The following SMYD3 variants were observed in gnomAD, a reference collection of about 807,000 sequenced individuals.
SMYD3 encodes SET and MYND domain containing 3.
A neutral mutation model predicts 57.7 loss-of-function variants in SMYD3; 36 were observed. The ratio of observed to expected loss-of-function variants is 0.62; its 90% CI spans 0.48 to 0.82. The LOEUF is 0.82. Ranked by LOEUF, SMYD3 falls within the 40% of genes least tolerant of loss-of-function variation. The pLI is 0.00. For missense variants in SMYD3, 515 were observed against 538.8 expected, an observed-to-expected ratio of 0.96 and a Z score of 0.44; for synonymous variants, 211 against 195.0, an observed-to-expected ratio of 1.08 and a Z score of -0.68.
At chr1:246,297,586 G>C (rs2064819689) in intron 5 of SMYD3, among the ~76,000 whole-genome samples, 1 of 152,030 alleles carries the variant, frequency 6.6e-6, no homozygotes, top group African/African-American at 2.4e-5. Flanking sequence ...TGTTCAATAA[G>C]GACAGAACCT....
intron 5 of SMYD3, among the ~76,000 whole-genome samples, chr1:246,151,245 CAAA>C (rs36099985): frequency 3.0e-5 from 4 of 132,666 alleles, no homozygotes; most frequent in Admixed American, 7.5e-5. Context: ...GACTCTGTCT[CAAA>C]AAAAAAAAAA....
chr1:245,919,338 T>C (rs956884392), intron 7 of SMYD3, among the ~76,000 whole-genome samples: 2 of 152,310 alleles, frequency 1.3e-5, no homozygotes, highest in South Asian at 2.1e-4. Flanking sequence ...GTCACAGTTA[T>C]GTACATTGCT....
intron 2 of SMYD3, among the ~76,000 whole-genome samples, chr1:246,348,060 T>TATATATATATATATATA (rs1173574600): frequency 6.0e-5 from 5 of 83,008 alleles, no homozygotes; most frequent in African/African-American, 1.7e-4. Flanking sequence ...AAAGAAAACG[T>TATATATATATATATATA]TATATATATA....
At chr1:245,950,576 T>C (rs1374402168) in intron 5 of SMYD3, among the ~76,000 whole-genome samples, 2 of 152,192 alleles carry the variant, frequency 1.3e-5, no homozygotes, top group African/African-American at 4.8e-5. Context: ...CCCAGAAGGA[T>C]TCACCACCAC....
rs71299004 is a variant in SMYD3, at chr1:246,325,099, G to GC, written c.531+2101_531+2102insG. ...GGGCGGGAAGGAGGGAGAAGGAGTC[G>GC]GGGGGCGGGAAGGAGGGAGAAGGAG... is the stretch of plus-strand genomic sequence containing the variant. On this transcript the variant is annotated intron_variant, in intron 5 of 11. Transcript: ENST00000490107. Among the ~76,000 whole-genome samples the GC allele has an allele frequency of 6.4e-4, 3 of 4,656 alleles. 1 individual carries two copies. Among genetic ancestry groups the GC allele is most frequent in the African/African-American group, 1.4e-3 (2 of 1,424 alleles). 3.1% of individuals were successfully genotyped at this position (4,656 alleles called of 152,430 possible).
At chr1:246,452,728 G>T (rs2067649816) in intron 1 of SMYD3, among the ~76,000 whole-genome samples, 1 of 152,146 alleles carries the variant, frequency 6.6e-6, no homozygotes, top group Admixed American at 6.5e-5. Context: ...ATGCCAAATA[G>T]ACATGATGAA....
rs10924651 is a variant in SMYD3, at chr1:246,261,304, T to A, written c.531+65897A>T. Among the ~76,000 whole-genome samples the A allele has an allele frequency of 2.7e-5, 4 of 150,470 alleles. No individual in the cohort carries two copies. In the South Asian group the frequency reaches 6.3e-4, roughly 24 times the overall value. ...GATCTCCTGACCTCAGGATCCACCC[T>A]CCTCAGCCTCCCAAAGTGCTGGGAT... On this transcript the variant is annotated intron_variant, in intron 5 of 11. Transcript: ENST00000490107.
chr1:245,835,502 T>G (rs2050065368), intron 10 of SMYD3, among the ~76,000 whole-genome samples: 1 of 152,204 alleles, frequency 6.6e-6, no homozygotes, highest in Non-Finnish European at 1.5e-5. Flanking sequence ...ACAAGGATAT[T>G]ATAGAGCTCA....
At chr1:245,834,882 C>T (rs1379178063) in intron 10 of SMYD3, among the ~76,000 whole-genome samples, 2 of 152,130 alleles carry the variant, frequency 1.3e-5, no homozygotes, top group South Asian at 2.1e-4. Flanking sequence ...CGCATAGGGC[C>T]ATCCATCAAA....
At chr1:245,951,859 A>G (rs1003956996) in intron 5 of SMYD3, among the ~76,000 whole-genome samples, 1 of 152,172 alleles carries the variant, frequency 6.6e-6, no homozygotes. Flanking sequence ...ATAAAATTCC[A>G]CATGATCCTT....
At chr1:245,816,306 G>A (rs992488091) in intron 10 of SMYD3, among the ~76,000 whole-genome samples, 13 of 151,932 alleles carry the variant, frequency 8.6e-5, no homozygotes, top group African/African-American at 3.1e-4. Context: ...GTGGCTAGGG[G>A]GTGGACAGTG....
chr1:246,183,317 C>A (rs1388373369), intron 5 of SMYD3, among the ~76,000 whole-genome samples: 1 of 151,594 alleles, frequency 6.6e-6, no homozygotes, highest in Non-Finnish European at 1.5e-5. Flanking sequence ...TCAACTGCGT[C>A]TTCAAAGCAT....
At chr1:246,405,783 G>A (rs1030162595) in intron 1 of SMYD3, among the ~76,000 whole-genome samples, 4 of 151,692 alleles carry the variant, frequency 2.6e-5, no homozygotes, top group Admixed American at 6.6e-5. Flanking sequence ...GGTGGCGGGC[G>A]CCTGTAGTCC....
chr1:245,863,847 C>T lies in SMYD3; in HGVS notation c.853G>A (p.Glu285Lys). ...MLTGDEQVWK[E>K]VQESLKKIEE... ...ATTTTTTTCAGGGATTCTTGAACTT[C>T]CTTCCATACTTGCTCATCACCAGTT... Residue 285 changes from glutamate to lysine, a missense_variant, in exon 9 of 12, where the codon GAA becomes AAA. Coordinates refer to ENST00000490107, the MANE Select transcript of SMYD3 (RefSeq NM_001167740.2). The T allele has an allele frequency of 6.2e-7, 1 of 1,614,168 alleles. No individual in the cohort carries two copies. The highest frequency in any genetic ancestry group is 8.5e-7 in the Non-Finnish European group (1 of 1,180,010).
chr1:246,287,031 C>T (rs1447732792), intron 5 of SMYD3, among the ~76,000 whole-genome samples: 1 of 151,748 alleles, frequency 6.6e-6, no homozygotes, highest in African/African-American at 2.4e-5. Context: ...CCACCAGGAC[C>T]GGCTAATTTT....
chr1:246,011,107 G>A (rs1042403682), intron 5 of SMYD3, among the ~76,000 whole-genome samples: 1 of 152,136 alleles, frequency 6.6e-6, no homozygotes, highest in African/African-American at 2.4e-5. Flanking sequence ...TGGTGTATTA[G>A]CAAGATAAGT....
intron 5 of SMYD3, among the ~76,000 whole-genome samples, chr1:245,994,640 A>G (rs1356425494): frequency 6.6e-6 from 1 of 152,192 alleles, no homozygotes; most frequent in African/African-American, 2.4e-5. Flanking sequence ...GCCTCATTTC[A>G]GAAATAGGGG....
intron 1 of SMYD3, among the ~76,000 whole-genome samples, chr1:246,371,124 G>A (rs886238344): frequency 6.6e-6 from 1 of 150,426 alleles, no homozygotes; most frequent in Non-Finnish European, 1.5e-5. Flanking sequence ...AAGCTAAGGA[G>A]CAAATTAAAA....
intron 5 of SMYD3, among the ~76,000 whole-genome samples, chr1:246,058,766 T>C (rs1444757270): frequency 5.3e-5 from 8 of 152,176 alleles, no homozygotes; most frequent in Non-Finnish European, 1.2e-4. Flanking sequence ...TAAAAATTGT[T>C]GGAAATTTTC....
Sources: gnomAD v4.1 joint callset for allele counts (sites outside exome capture counted in the v4.1 genomes callset) on GRCh38, gnomAD v4.1.1 for gene constraint, MANE v1.5 for transcripts, NCBI Gene and HGNC (gene_info 2026-07-23, HGNC 2026-07-21) for gene names.